GFPT1: variants seen among roughly 807,000 people sequenced by gnomAD.
GFPT1 encodes glutamine--fructose-6-phosphate aminotransferase [isomerizing] 1.
Under a neutral mutation model 92.0 loss-of-function variants are expected in GFPT1, and 40 were observed. The observed-to-expected ratio is 0.43, with a 90% CI of 0.34 to 0.57. GFPT1 has a LOEUF of 0.57. GFPT1 is among the 20% of genes least tolerant of loss of function. The probability of loss-of-function intolerance (pLI) is 0.02; values close to 1 mark genes in which losing one functional copy is unlikely to be tolerated. For missense variants in GFPT1, 448 were observed against 869.1 expected (o/e 0.52, Z 6.09); for synonymous variants, 269 against 280.6 (o/e 0.96, Z 0.41).
chr2:69,364,902 G>A (rs191233552), intron 3 of GFPT1, among the ~76,000 whole-genome samples: 4 of 147,690 alleles, frequency 2.7e-5, no homozygotes, highest in Non-Finnish European at 5.9e-5. Context: ...GGTTGAGGCA[G>A]GAGAATCGCT....
At chr2:69,356,404 T>C (rs1671338710) in intron 7 of GFPT1, 92 bp downstream of exon 7, 1 of 903,944 alleles carries the variant, frequency 1.1e-6, no homozygotes, top group South Asian at 1.3e-5. Flanking sequence ...GGGCAGAGCC[T>C]TTATAATAAA....
chr2:69,337,003 G>A (rs1193204800), intron 15 of GFPT1, among the ~76,000 whole-genome samples: 2 of 149,966 alleles, frequency 1.3e-5, no homozygotes, highest in Non-Finnish European at 3.0e-5. Flanking sequence ...TATCTAAAGA[G>A]AAAGATATTG....
At chr2:69,341,294 T>C (rs887211577) in intron 13 of GFPT1, among the ~76,000 whole-genome samples, 2 of 152,080 alleles carry the variant, frequency 1.3e-5, no homozygotes, top group African/African-American at 2.4e-5. Flanking sequence ...CAACATTACA[T>C]AGACTTTCTG....
chr2:69,337,105 C>T (rs1052149325), intron 15 of GFPT1, among the ~76,000 whole-genome samples: 5 of 149,564 alleles, frequency 3.3e-5, no homozygotes, highest in African/African-American at 1.2e-4. Flanking sequence ...TGCTCTGTCA[C>T]CCAGACTGGA....
intron 3 of GFPT1, among the ~76,000 whole-genome samples, chr2:69,369,005 T>G (rs1157580578): frequency 6.6e-6 from 1 of 152,186 alleles, no homozygotes; most frequent in Non-Finnish European, 1.5e-5. Flanking sequence ...TCTCGTCAAC[T>G]TGTGGGAACT....
chr2:69,360,440 A>ATT (rs1553391768), intron 4 of GFPT1, among the ~76,000 whole-genome samples: 2,697 of 100,132 alleles, frequency 0.027, 84 homozygotes, highest in African/African-American at 0.13. Flanking sequence ...AATTATCAAA[A>ATT]TATTTTTTTT....
intron 14 of GFPT1, 63 bp downstream of exon 14, chr2:69,338,382 G>T: frequency 7.1e-7 from 1 of 1,410,620 alleles, no homozygotes; most frequent in Non-Finnish European, 1.0e-6. Flanking sequence ...CTTTTGCCAA[G>T]ATATGCTAGA....
At chr2:69,371,724 C>A (rs1015328418) in intron 2 of GFPT1, among the ~76,000 whole-genome samples, 1 of 150,686 alleles carries the variant, frequency 6.6e-6, no homozygotes. Context: ...GTTGTCCCAG[C>A]TACTCGGGAG....
At chr2:69,329,490 C>A in intron 16 of GFPT1, 66 bp from the exon 17 acceptor site, 1 of 1,271,104 alleles carries the variant, frequency 7.9e-7, no homozygotes, top group Non-Finnish European at 1.1e-6. Flanking sequence ...ATATTGGCAG[C>A]AAATAACAAA....
At chr2:69,342,384 C>T (rs1670973963) in intron 12 of GFPT1, 135 bp from the exon 13 acceptor site, 1 of 682,314 alleles carries the variant, frequency 1.5e-6, no homozygotes, top group African/African-American at 1.8e-5. Flanking sequence ...TCTTGGAAAG[C>T]ACAGTTCTCT....
chr2:69,354,183 CAAGAACAA>C, intron 9 of GFPT1, 68 bp downstream of exon 9: 1 of 1,039,306 alleles, frequency 9.6e-7, no homozygotes, highest in Non-Finnish European at 1.4e-6. Context: ...TCATTCACTC[CAAGAACAA>C]AAGAATTAGT....
chr2:69,369,956 G>T, intron 3 of GFPT1, 45 bp downstream of exon 3: 1 of 1,080,534 alleles, frequency 9.3e-7, no homozygotes, highest in Non-Finnish European at 1.4e-6. Flanking sequence ...GAGGGGAAAA[G>T]GAAGAGAAGG....
intron 2 of GFPT1, among the ~76,000 whole-genome samples, chr2:69,371,899 T>C (rs1470999951): frequency 2.0e-5 from 3 of 149,734 alleles, no homozygotes; most frequent in Non-Finnish European, 4.5e-5. Context: ...GTTACCAACA[T>C]ATATTAACAG....
At chr2:69,339,947 C>A (rs188862437) in intron 13 of GFPT1, among the ~76,000 whole-genome samples, 16 of 151,874 alleles carry the variant, frequency 1.1e-4, no homozygotes, top group Admixed American at 9.8e-4. Context: ...TAAATGTAAA[C>A]CAAACCTTTT....
intron 3 of GFPT1, among the ~76,000 whole-genome samples, chr2:69,363,986 G>A (rs572247275): frequency 3.7e-4 from 56 of 152,118 alleles, no homozygotes; most frequent in African/African-American, 1.0e-3. Flanking sequence ...ATGGTGGCAC[G>A]CGCCTGTAGT....
chr2:69,330,980 C>T (rs12473304), intron 15 of GFPT1, among the ~76,000 whole-genome samples: 19,427 of 152,064 alleles, frequency 0.13, 1,404 homozygotes, highest in Non-Finnish European at 0.16. Flanking sequence ...AGGCTCAAAA[C>T]GTACTATAAA....
intron 15 of GFPT1, among the ~76,000 whole-genome samples, chr2:69,335,947 G>C (rs1397041404): frequency 6.6e-6 from 1 of 151,550 alleles, no homozygotes; most frequent in Non-Finnish European, 1.5e-5. Flanking sequence ...GATCACCTGA[G>C]CCTGGGAAGG....
chr2:69,326,971 G>C lies in GFPT1; in HGVS notation c.1998C>G (p.Leu666=). The C allele has an allele frequency of 6.2e-7, 1 of 1,614,224 alleles. No individual in the cohort carries two copies. The highest frequency in any genetic ancestry group is 8.5e-7 in the Non-Finnish European group (1 of 1,180,028). The change falls in exon 19 of 20, where the codon CTC becomes CTG. Residue 666 remains leucine (L), a synonymous_variant. Transcript: ENST00000357308. ...CCAGCAACTGTAAAGGGATCACGCT[G>C]AGAATGCCCTGCAAGCAGTCCACTG... ...PHSVDCLQGI[L]SVIPLQLLAF...
At chr2:69,360,439 A>AAT (rs35631369) in intron 4 of GFPT1, among the ~76,000 whole-genome samples, 12 of 105,830 alleles carry the variant, frequency 1.1e-4, no homozygotes, top group African/African-American at 3.6e-4. Context: ...AAATTATCAA[A>AAT]ATATTTTTTT....
Sources: gnomAD v4.1 joint callset for allele counts (sites outside exome capture counted in the v4.1 genomes callset) on GRCh38, gnomAD v4.1.1 for gene constraint, MANE v1.5 for transcripts, NCBI Gene and HGNC (gene_info 2026-07-23, HGNC 2026-07-21) for gene names.